The following TTI1 variants were observed in gnomAD, a reference collection of about 807,000 sequenced individuals.
The protein encoded by TTI1 is TELO2 interacting protein 1.
In TTI1, 52 loss-of-function variants were observed where a neutral mutation model predicts 85.4. The observed-to-expected ratio is 0.61, with a 90% CI of 0.49 to 0.77. The LOEUF (loss-of-function observed/expected upper bound fraction) is 0.77. Among genes scored for constraint, TTI1 ranks in the 30% least tolerant of loss-of-function variants. The pLI, the probability that TTI1 is intolerant of heterozygous loss-of-function variation, is 0.00. For missense variants in TTI1, 1,173 were observed against 1,296.0 expected (o/e 0.91, Z 1.46); for synonymous variants, 512 against 503.9 (o/e 1.02, Z -0.22).
intron 5 of TTI1, among the ~76,000 whole-genome samples, chr20:37,997,492 C>G (rs1017807723): frequency 1.3e-5 from 2 of 151,748 alleles, no homozygotes; most frequent in African/African-American, 2.4e-5. Flanking sequence ...TTCTGTTCAG[C>G]TGCACAATCT....
At chr20:37,993,761 C>T (rs994066686) in intron 7 of TTI1, among the ~76,000 whole-genome samples, 2 of 152,252 alleles carry the variant, frequency 1.3e-5, no homozygotes. Context: ...CTCACTACCT[C>T]TGGCTTTTCT....
intron 7 of TTI1, among the ~76,000 whole-genome samples, chr20:37,990,544 A>G (rs946769947): frequency 1.3e-5 from 2 of 152,262 alleles, no homozygotes; most frequent in African/African-American, 4.8e-5. Flanking sequence ...TTGGCTCATC[A>G]TAAGAGACCC....
chr20:38,017,865 C>T (rs1568627445), intron 1 of TTI1, among the ~76,000 whole-genome samples: 1 of 152,150 alleles, frequency 6.6e-6, no homozygotes, highest in Non-Finnish European at 1.5e-5. Context: ...AGGCTTTCAA[C>T]TGAAAGCCCT....
chr20:38,017,396 T>C (rs1268316678), intron 1 of TTI1, among the ~76,000 whole-genome samples: 2 of 146,454 alleles, frequency 1.4e-5, no homozygotes, highest in Non-Finnish European at 3.0e-5. Flanking sequence ...GAATCAACAA[T>C]CAATAGCTTG....
intron 7 of TTI1, among the ~76,000 whole-genome samples, chr20:37,993,341 A>G (rs895926336): frequency 6.6e-6 from 1 of 152,002 alleles, no homozygotes; most frequent in African/African-American, 2.4e-5. Flanking sequence ...CCCCCTGATC[A>G]ATGTCCATTT....
At chr20:38,021,114 GATAA>G (rs1309614742) in intron 1 of TTI1, among the ~76,000 whole-genome samples, 1 of 152,134 alleles carries the variant, frequency 6.6e-6, no homozygotes, top group African/African-American at 2.4e-5. Flanking sequence ...TAGTAGAATG[GATAA>G]ATAAACTGTA....
chr20:37,984,200 G>A (rs1372334925), intron 7 of TTI1, among the ~76,000 whole-genome samples: 1 of 152,244 alleles, frequency 6.6e-6, no homozygotes, highest in African/African-American at 2.4e-5. Flanking sequence ...TCCCGTGTGA[G>A]GAGCCCGTTT....
chr20:38,032,798 G>A (rs2073933439), intron 1 of TTI1, among the ~76,000 whole-genome samples: 1 of 152,134 alleles, frequency 6.6e-6, no homozygotes, highest in Non-Finnish European at 1.5e-5. Flanking sequence ...TCTCGCCTCG[G>A]CCTCCCAAAG....
chr20:38,019,904 C>T (rs551148657), intron 1 of TTI1, among the ~76,000 whole-genome samples: 1 of 152,300 alleles, frequency 6.6e-6, no homozygotes, highest in African/African-American at 2.4e-5. Flanking sequence ...TGTCTCCAGA[C>T]ATTGCTAGAT....
At chr20:38,020,323 A>AAATATATATATAT in intron 1 of TTI1, among the ~76,000 whole-genome samples, 175 of 50,338 alleles carry the variant, frequency 3.5e-3, no homozygotes, top group Non-Finnish European at 4.9e-3. Context: ...AAAAAAAAAA[A>AAATATATATATAT]ATATATATAT....
intron 2 of TTI1, among the ~76,000 whole-genome samples, chr20:38,010,501 C>T (rs2073568590): frequency 1.6e-5 from 2 of 123,572 alleles, no homozygotes; most frequent in South Asian, 2.7e-4. Context: ...GACAGAGTCT[C>T]ACTCTGTCAC....
chr20:38,020,321 A>ATATATATAT (rs1443587921), intron 1 of TTI1, among the ~76,000 whole-genome samples: 51 of 42,676 alleles, frequency 1.2e-3, no homozygotes, highest in African/African-American at 3.8e-3. Context: ...AAAAAAAAAA[A>ATATATATAT]AAATATATAT....
At chr20:38,022,001 A>T (rs932744655) in intron 1 of TTI1, among the ~76,000 whole-genome samples, 1 of 152,194 alleles carries the variant, frequency 6.6e-6, no homozygotes, top group Non-Finnish European at 1.5e-5. Flanking sequence ...GAAGAGGGAG[A>T]AGGATCTGTG....
intron 1 of TTI1, among the ~76,000 whole-genome samples, chr20:38,021,862 A>T (rs372860763): frequency 1.3e-5 from 2 of 152,208 alleles, no homozygotes; most frequent in African/African-American, 4.8e-5. Flanking sequence ...AACAATCTGT[A>T]CAGGAGACGG....
chr20:37,985,351 C>T (rs1327157381), intron 7 of TTI1, among the ~76,000 whole-genome samples: 1 of 152,148 alleles, frequency 6.6e-6, no homozygotes, highest in Non-Finnish European at 1.5e-5. Flanking sequence ...AACTTCAACG[C>T]CTGCTAAGTC....
intron 2 of TTI1, among the ~76,000 whole-genome samples, chr20:38,006,633 C>T (rs1287447315): frequency 6.6e-6 from 1 of 152,180 alleles, no homozygotes; most frequent in African/African-American, 2.4e-5. Context: ...TGGAATACCT[C>T]CCATCTACTT....
chr20:38,013,750 T>C lies in TTI1; in HGVS notation c.67A>G (p.Lys23Glu), dbSNP rs866454785. The C allele has an allele frequency of 6.2e-7, 1 of 1,614,132 alleles. No homozygotes were observed. Among genetic ancestry groups the C allele is most frequent in the African/African-American group, 1.3e-5 (1 of 75,036 alleles). ...TCCACATTCTCCACTGTCTGGGTCT[T>C]TGTGAGCTGAACACAGACTGGACGT... Reference protein sequence around the residue: ...VLRPVCVQLTKTQTVENVEHL... With the variant: ...VLRPVCVQLTETQTVENVEHL... Residue 23 changes from lysine (K) to glutamate (E), a missense_variant, in exon 2 of 8, where the codon AAG becomes GAG. Coordinates refer to ENST00000373447, the MANE Select transcript of TTI1 (RefSeq NM_001303457.2).
At position 38,013,109 on chromosome 20, in the gene TTI1, T is replaced by G; in HGVS notation, c.708A>C (p.Leu236=). Reference sequence around the variant, plus strand: ...AGCTCACTGTCTTGTAAAAGATCTTTAGGGAAGATACGACAATGCTGTGAC... The same window carrying G: ...AGCTCACTGTCTTGTAAAAGATCTTGAGGGAAGATACGACAATGCTGTGAC... ...KQGHSIVVSS[L]KIFYKTVSFI... is the part of the protein sequence containing the mutation. The change falls in exon 2 of 8, where the codon CTA becomes CTC. Residue 236 remains leucine (L), a synonymous_variant. Transcript: ENST00000373447. 6.2e-7 allele frequency: 1 copy of G among 1,614,166 alleles called. No individual in the cohort carries two copies. The highest frequency in any genetic ancestry group is 8.5e-7 in the Non-Finnish European group (1 of 1,180,026).
chr20:37,999,162 G>C (rs567254191), intron 5 of TTI1, 26 bp downstream of exon 5: 1 of 1,384,090 alleles, frequency 7.2e-7, no homozygotes. Flanking sequence ...CCTCACAACA[G>C]ACCATGGGGG....
Sources: allele counts gnomAD v4.1 joint callset (sites outside exome capture counted in the v4.1 genomes callset), GRCh38; gene constraint gnomAD v4.1.1; transcripts MANE v1.5; gene names NCBI Gene and HGNC (gene_info 2026-07-23, HGNC 2026-07-21).